MEF2C: variants seen among roughly 807,000 people sequenced by gnomAD.
The protein encoded by MEF2C is myocyte-specific enhancer factor 2C.
A neutral mutation model predicts 50.5 loss-of-function variants in MEF2C; 6 were observed. That is an observed-to-expected ratio of 0.12 (90% CI 0.07 to 0.23). The LOEUF (loss-of-function observed/expected upper bound fraction) is 0.23. MEF2C is among the 10% of genes least tolerant of loss of function. MEF2C has a pLI of 1.00. For synonymous variants in MEF2C, 183 were observed against 228.0 expected, an observed-to-expected ratio of 0.80 and a Z score of 1.78; for missense variants, 276 against 605.0, an observed-to-expected ratio of 0.46 and a Z score of 5.70.
chr5:88,877,370 A>G (rs1048647656), intron 1 of MEF2C, among the ~76,000 whole-genome samples: 5 of 152,070 alleles, frequency 3.3e-5, no homozygotes, highest in African/African-American at 7.2e-5. Context: ...AATGTTACTC[A>G]TATCACCTAA....
At chr5:88,891,325 A>G (rs1351542966) in intron 1 of MEF2C, among the ~76,000 whole-genome samples, 1 of 151,732 alleles carries the variant, frequency 6.6e-6, no homozygotes, top group East Asian at 1.9e-4. Context: ...TTTGATAAAG[A>G]TATCGGAGAC....
chr5:88,813,913 C>T (rs927652264), intron 2 of MEF2C, among the ~76,000 whole-genome samples: 2 of 151,608 alleles, frequency 1.3e-5, no homozygotes, highest in Non-Finnish European at 2.9e-5. Flanking sequence ...TAAATATAAC[C>T]CTCATTATGT....
At chr5:88,781,562 CTTT>C (rs1011112932) in intron 3 of MEF2C, among the ~76,000 whole-genome samples, 7 of 152,166 alleles carry the variant, frequency 4.6e-5, no homozygotes, top group African/African-American at 7.2e-5. Context: ...ACCACACTGT[CTTT>C]TTTATGAAAG....
chr5:88,767,040 T>C (rs1780353948), intron 3 of MEF2C, among the ~76,000 whole-genome samples: 1 of 152,220 alleles, frequency 6.6e-6, no homozygotes, highest in Non-Finnish European at 1.5e-5. Context: ...GAATATTTCC[T>C]GAAAGTGTTT....
chr5:88,821,781 G>T lies in MEF2C; in HGVS notation c.54+1954C>A, dbSNP rs540659501. Among the ~76,000 whole-genome samples, 4 of 151,922 alleles carry T rather than the reference G, an allele frequency of 2.6e-5. No individual in the cohort carries two copies. The South Asian group carries it at 8.3e-4, about 32-fold the overall frequency. On this transcript the variant is annotated intron_variant, in intron 2 of 10. Coordinates refer to ENST00000504921, the MANE Select transcript of MEF2C (RefSeq NM_002397.5). ...GAAGGGTAGCTGGGCATGGAGTGGG[G>T]AGGGGATAAAGTGGGGATGTTTAAT...
At chr5:88,896,164 A>T (rs929039546) in intron 1 of MEF2C, among the ~76,000 whole-genome samples, 2 of 152,220 alleles carry the variant, frequency 1.3e-5, no homozygotes, top group African/African-American at 2.4e-5. Context: ...TGAACTCTCT[A>T]TCAGCAAAAT....
chr5:88,744,473 A>G (rs1424668710), intron 6 of MEF2C, among the ~76,000 whole-genome samples: 1 of 152,176 alleles, frequency 6.6e-6, no homozygotes, highest in Non-Finnish European at 1.5e-5. Flanking sequence ...GAGTTGCTTG[A>G]ACCCAGGAGG....
chr5:88,809,560 G>C (rs1190835456), intron 2 of MEF2C, among the ~76,000 whole-genome samples: 1 of 151,962 alleles, frequency 6.6e-6, no homozygotes, highest in African/African-American at 2.4e-5. Flanking sequence ...TCTTTATTTG[G>C]AACAAAATGC....
At chr5:88,762,611 A>C (rs1778359828) in intron 3 of MEF2C, among the ~76,000 whole-genome samples, 1 of 152,058 alleles carries the variant, frequency 6.6e-6, no homozygotes, top group Non-Finnish European at 1.5e-5. Context: ...TTGTCAACTT[A>C]ATTGTATACA....
In MEF2C at chr5:88,863,939, A is replaced by G. The variant is rs1351911655; in HGVS notation, c.-143+19016T>C. 2.0e-5 allele frequency among the ~76,000 whole-genome samples: 3 copies of G among 151,158 alleles called. No individual in the cohort carries two copies. The South Asian group carries it at 6.3e-4, about 32-fold the overall frequency. ...CAGGTTCAAGTGATTCTCCTGCCTC[A>G]GCCTCCTGAGTGGCAGGGATTACAG... On this transcript the variant is annotated intron_variant, in intron 1 of 10. Coordinates refer to ENST00000504921, the MANE Select transcript of MEF2C (RefSeq NM_002397.5).
At chr5:88,858,634 C>T (rs1824369005) in intron 1 of MEF2C, among the ~76,000 whole-genome samples, 1 of 152,186 alleles carries the variant, frequency 6.6e-6, no homozygotes, top group Non-Finnish European at 1.5e-5. Flanking sequence ...CTGGCCCTCA[C>T]TTACATGCAC....
chr5:88,751,732 A>C, intron 5 of MEF2C, 125 bp downstream of exon 5: 1 of 1,167,354 alleles, frequency 8.6e-7, no homozygotes, highest in Non-Finnish European at 1.2e-6. Context: ...TCGGGGGTGG[A>C]TGGTAAGCCA....
intron 6 of MEF2C, chr5:88,739,269 C>G (rs766746078): frequency 1.2e-5 from 12 of 983,460 alleles, no homozygotes; most frequent in Admixed American, 6.2e-5. Flanking sequence ...AAACATTAAG[C>G]TGAACACACA....
At chr5:88,779,709 C>T (rs979275441) in intron 3 of MEF2C, among the ~76,000 whole-genome samples, 2 of 151,040 alleles carry the variant, frequency 1.3e-5, no homozygotes, top group African/African-American at 4.9e-5. Flanking sequence ...TTATCTTTTT[C>T]CCCCAGAAAG....
chr5:88,872,603 C>T lies in MEF2C; in HGVS notation c.-143+10352G>A, dbSNP rs1342817360. Among the ~76,000 whole-genome samples the T allele has an allele frequency of 2.0e-5, 3 of 151,944 alleles. No homozygotes were observed. In the East Asian group the frequency reaches 5.8e-4, roughly 29 times the overall value. On this transcript the variant is annotated intron_variant, in intron 1 of 10. Transcript: ENST00000504921. ...CACCATTAGCAGAAACTTAAAATGACTAAAATATAGTACAATGCTATGATA... is the reference window on the plus strand; with the variant it reads ...CACCATTAGCAGAAACTTAAAATGATTAAAATATAGTACAATGCTATGATA...
At chr5:88,789,385 C>T (rs1201016738) in intron 3 of MEF2C, among the ~76,000 whole-genome samples, 1 of 151,918 alleles carries the variant, frequency 6.6e-6, no homozygotes, top group Non-Finnish European at 1.5e-5. Context: ...CCAGGCTGGT[C>T]TTGAACTCCT....
intron 6 of MEF2C, chr5:88,741,194 T>A (rs894014623): frequency 1.0e-6 from 1 of 985,296 alleles, no homozygotes; most frequent in Non-Finnish European, 1.2e-6. Flanking sequence ...ACACATTTCA[T>A]AAATACTACT....
chr5:88,900,918 T>A (rs1285332482), intron 1 of MEF2C, among the ~76,000 whole-genome samples: 1 of 152,052 alleles, frequency 6.6e-6, no homozygotes, highest in Non-Finnish European at 1.5e-5. Flanking sequence ...CTGAAAGCTT[T>A]AAAGCTTTCT....
chr5:88,869,262 T>TATACAC (rs1554050878), intron 1 of MEF2C, among the ~76,000 whole-genome samples: 3 of 72,980 alleles, frequency 4.1e-5, no homozygotes, highest in African/African-American at 8.2e-5. Flanking sequence ...CATATATATA[T>TATACAC]ATATATATAT....
Sources: gnomAD v4.1 joint callset for allele counts (sites outside exome capture counted in the v4.1 genomes callset) on GRCh38, gnomAD v4.1.1 for gene constraint, MANE v1.5 for transcripts, NCBI Gene and HGNC (gene_info 2026-07-23, HGNC 2026-07-21) for gene names.